Variants in USP36 observed in about 807,000 individuals in gnomAD.
USP36 encodes the protein ubiquitin specific peptidase 36.
USP36 carries 59 observed loss-of-function variants against 111.5 expected under a neutral mutation model. The ratio of observed to expected loss-of-function variants is 0.53; its 90% CI spans 0.43 to 0.66. USP36 has a LOEUF of 0.66. USP36 is among the 30% of genes least tolerant of loss of function. The pLI is 0.00. For missense variants in USP36, 1,488 were observed against 1,468.0 expected (o/e 1.01, Z -0.22); for synonymous variants, 628 against 581.0 (o/e 1.08, Z -1.16).
chr17:78,803,927 G>A lies in USP36; in HGVS notation c.2268C>T (p.Ser756=), dbSNP rs1035993511. The change falls in exon 16 of 21, where the codon AGC becomes AGT. Residue 756 remains serine (S), a synonymous_variant. Coordinates refer to ENST00000449938, the MANE Select transcript of USP36 (RefSeq NM_001385174.1). The surrounding 1 kb of genome is among the most constrained non-coding windows in gnomAD (Gnocchi z 4.6). ...TACTGGACAGCAATGTGGGGTGGGG[G>A]CTGAAGGGGGGTTGCAGGCGGCTGG... ...QSSSRLQPPF[S]PHPTLLSSTP... 1.3e-6 allele frequency: 2 copies of A among 1,516,086 alleles called. No homozygotes were observed. The highest frequency in any genetic ancestry group is 1.1e-5 in the South Asian group (1 of 89,010). The allele number at this position is 1,516,086 out of a possible 1,614,324, so 93.9% of individuals were successfully genotyped here.
chr17:78,813,834 C>A lies in USP36; in HGVS notation c.1204G>T (p.Val402Phe), dbSNP rs1480628421. The A allele has an allele frequency of 6.2e-7, 1 of 1,614,108 alleles. No individual in the cohort carries two copies. Among genetic ancestry groups the A allele is most frequent in the South Asian group, 1.1e-5 (1 of 91,076 alleles). ...ACCACCTTGACGTTGCTGGAATGGA[C>A]CAAGGAATCATTCATCTGGTACCAC... The part of the protein sequence containing the change: ...GQWYQMNDSL[V>F]HSSNVKVVLN... The change falls in exon 12 of 21, where the codon GTC (valine) becomes TTC (phenylalanine). Residue 402 changes from valine to phenylalanine, a missense_variant. Transcript: ENST00000449938.
chr17:78,830,040 C>T lies in USP36; in HGVS notation c.476-1033G>A, dbSNP rs751426689. ...AGGCGTGAGCCATCGAGCCCAGCCC[C>T]GACAGTGGTACATTTTTACCTTTCA... On this transcript the variant is annotated intron_variant, in intron 4 of 20. Coordinates refer to ENST00000449938, the MANE Select transcript of USP36 (RefSeq NM_001385174.1). 1.9e-3 allele frequency among the ~76,000 whole-genome samples: 295 copies of T among 152,280 alleles called. 1 individual carries two copies. The highest frequency in any genetic ancestry group is 3.7e-3 in the Non-Finnish European group (252 of 68,006).
At chr17:78,832,678 G>A (rs897913412) in intron 4 of USP36, among the ~76,000 whole-genome samples, 1 of 152,196 alleles carries the variant, frequency 6.6e-6, no homozygotes, top group Non-Finnish European at 1.5e-5. Flanking sequence ...AACCAAGAAT[G>A]GAAGGCAGCT....
In USP36 at chr17:78,836,351, C is replaced by G. The variant is rs372871604; in HGVS notation, c.13G>C (p.Asp5His). The change falls in exon 3 of 21, where the codon GAT (aspartate) becomes CAT (histidine). Residue 5 changes from aspartate (D) to histidine (H), a missense_variant. By Grantham distance (81) the Asp-to-His change is moderately conservative. Around this residue, in one of 3 missense-constraint regions of USP36, gnomAD observed 219 missense variants for 209.5 expected, o/e 1.05. Coordinates refer to ENST00000449938, the MANE Select transcript of USP36 (RefSeq NM_001385174.1). Reference protein sequence around the residue: MPIVDKLKEALKPGR... With the variant: MPIVHKLKEALKPGR... ...GGTTTCAGGGCCTCCTTCAACTTAT[C>G]CACTATTGGCATGGTGCATCACTGT... The G allele has an allele frequency of 1.5e-5, 24 of 1,613,964 alleles. No homozygotes were observed. Among genetic ancestry groups the G allele is most frequent in the African/African-American group, 2.7e-5 (2 of 74,912 alleles).
At chr17:78,817,917 C>T (rs1260051090) in intron 10 of USP36, among the ~76,000 whole-genome samples, 1 of 151,924 alleles carries the variant, frequency 6.6e-6, no homozygotes, top group Non-Finnish European at 1.5e-5. Context: ...GCTGTCTCTA[C>T]AAAAAACTTT....
chr17:78,828,841 AC>A (rs1451962847), intron 5 of USP36, 55 bp downstream of exon 5: 1 of 1,551,438 alleles, frequency 6.4e-7, no homozygotes, highest in Non-Finnish European at 8.8e-7. Context: ...CCCCATCTCT[AC>A]AAAAAATTAA....
chr17:78,840,490 G>A (rs1018973960), intron 1 of USP36: 8 of 152,476 alleles, frequency 5.2e-5, no homozygotes, highest in Non-Finnish European at 1.2e-4. Flanking sequence ...GGAGACCGGC[G>A]AGGACAGCCC....
At position 78,838,092 on chromosome 17, in the gene USP36, T is replaced by C. The variant is rs142254504; in HGVS notation, c.-10+495A>G. Among the ~76,000 whole-genome samples, 200 of 151,858 alleles carry C rather than the reference T, an allele frequency of 1.3e-3. 2 individuals are homozygous for C. Among genetic ancestry groups the C allele is most frequent in the East Asian group, 7.2e-3 (37 of 5,150 alleles). The stretch of plus-strand genomic sequence containing the variant: ...GCCTGGGCAACATCGTGAGACCCCA[T>C]CTTTAAAACAAAAAAAATCGTGGCT... On this transcript the variant is annotated intron_variant, in intron 2 of 20. Transcript: ENST00000449938.
chr17:78,816,966 T>A (rs545612513), intron 10 of USP36, among the ~76,000 whole-genome samples: 3 of 152,350 alleles, frequency 2.0e-5, no homozygotes, highest in African/African-American at 7.2e-5. Context: ...TAATTTTGCC[T>A]GTTCTTAAAC....
chr17:78,803,470 G>A lies in USP36; in HGVS notation c.2725C>T (p.His909Tyr). ...QQVGCVTDGHHASSRKRRRKG... is the reference protein window; with the variant it reads ...QQVGCVTDGHYASSRKRRRKG... Reference sequence around the variant, plus strand: ...CTCCTCCGCTTCCTGCTGCTCGCGTGGTGGCCGTCCGTAACACATCCCACC... The same window carrying A: ...CTCCTCCGCTTCCTGCTGCTCGCGTAGTGGCCGTCCGTAACACATCCCACC... Residue 909 changes from histidine to tyrosine, a missense_variant, in exon 16 of 21, where the codon CAC becomes TAC. Coordinates refer to ENST00000449938, the MANE Select transcript of USP36 (RefSeq NM_001385174.1). The surrounding 1 kb of genome is among the most constrained non-coding windows in gnomAD (Gnocchi z 4.6). The A allele has an allele frequency of 6.2e-7, 1 of 1,614,116 alleles. No homozygotes were observed. The highest frequency in any genetic ancestry group is 1.1e-5 in the South Asian group (1 of 91,084).
In USP36 at chr17:78,803,721, G is replaced by A. The variant is rs755386999; in HGVS notation, c.2474C>T (p.Ser825Leu). 9 of 1,612,030 alleles carry A rather than the reference G, an allele frequency of 5.6e-6. No individual in the cohort carries two copies. The South Asian group carries it at 7.7e-5, about 14-fold the overall frequency. The stretch of plus-strand genomic sequence containing the variant: ...GATGTGCTGTGGGAGGCGCGTCTCT[G>A]AGCCCAGCCTCTGCGGCTCTCCCAC... Reference protein sequence around the residue: ...TFVGEPQRLGSETRLPQHIRE... With the variant: ...TFVGEPQRLGLETRLPQHIRE... Residue 825 changes from serine (S) to leucine (L), a missense_variant, in exon 16 of 21, where the codon TCA becomes TTA. Transcript: ENST00000449938. This position sits in a 1 kb window ranked among gnomAD's most constrained non-coding sequence, Gnocchi z 4.6.
At chr17:78,835,173 T>C in intron 4 of USP36, 107 bp downstream of exon 4, 1 of 1,154,478 alleles carries the variant, frequency 8.7e-7, no homozygotes, top group Non-Finnish European at 1.2e-6. Flanking sequence ...CATTATGAAC[T>C]ACCCTCCTAA....
At chr17:78,815,784 A>C (rs2094164384) in intron 10 of USP36, among the ~76,000 whole-genome samples, 1 of 152,188 alleles carries the variant, frequency 6.6e-6, no homozygotes, top group Admixed American at 6.5e-5. Context: ...ACATGCACAC[A>C]TATATACATA....
intron 13 of USP36, among the ~76,000 whole-genome samples, 155 bp downstream of exon 13, chr17:78,812,697 GAAAAAAAA>G (rs572009070): frequency 3.8e-5 from 2 of 52,648 alleles, no homozygotes; most frequent in Admixed American, 2.3e-4. Flanking sequence ...ACTCTGTCTC[GAAAAAAAA>G]AAAAAAAAAA....
At chr17:78,789,195 C>T (rs1175061422) in intron 3 of USP36, among the ~76,000 whole-genome samples, 2 of 108,994 alleles carry the variant, frequency 1.8e-5, no homozygotes, top group African/African-American at 7.5e-5. Flanking sequence ...GAAACTTGGT[C>T]CCAAAAAAAA....
chr17:78,800,064 A>G (rs1226413641), intron 17 of USP36, among the ~76,000 whole-genome samples: 1 of 150,996 alleles, frequency 6.6e-6, no homozygotes, highest in Non-Finnish European at 1.5e-5. Flanking sequence ...GACCTGACAC[A>G]ATAGAGAAGG....
chr17:78,824,416 G>A (rs543517429), intron 6 of USP36, among the ~76,000 whole-genome samples: 35 of 152,210 alleles, frequency 2.3e-4, no homozygotes, highest in Non-Finnish European at 4.3e-4. Context: ...CCAGCAGGCA[G>A]CATGGAGCGT....
intron 2 of USP36, among the ~76,000 whole-genome samples, 164 bp downstream of exon 2, chr17:78,838,423 G>A (rs2068912137): frequency 6.8e-6 from 1 of 147,878 alleles, no homozygotes; most frequent in Non-Finnish European, 1.5e-5. Flanking sequence ...AATTTCAGAA[G>A]CTTATTTAAA....
At chr17:78,802,904 G>A (rs1204168837) in intron 16 of USP36, among the ~76,000 whole-genome samples, 3 of 152,108 alleles carry the variant, frequency 2.0e-5, no homozygotes, top group Non-Finnish European at 4.4e-5. Flanking sequence ...GTCGCTTCAA[G>A]GATCAATCCA....
Sources: allele counts gnomAD v4.1 joint callset (sites outside exome capture counted in the v4.1 genomes callset), GRCh38; gene constraint gnomAD v4.1.1; regional missense constraint gnomAD v4.1.1; non-coding constraint Gnocchi (gnomAD v3.1); transcripts MANE v1.5; gene names NCBI Gene and HGNC (gene_info 2026-07-23, HGNC 2026-07-21).